Variants in CEP128 observed in about 807,000 individuals in gnomAD.
The protein encoded by CEP128 is centrosomal protein 128kDa.
A neutral mutation model predicts 156.7 loss-of-function variants in CEP128; 132 were observed. The ratio of observed to expected loss-of-function variants is 0.84; its 90% confidence interval spans 0.73 to 0.97. The LOEUF is 0.97. Among genes scored for constraint, CEP128 ranks in the 50% least tolerant of loss-of-function variants. CEP128 has a pLI of 0.00. For missense variants in CEP128, 1,252 were observed against 1,281.9 expected (o/e 0.98, Z 0.36); for synonymous variants, 469 against 448.9 (o/e 1.04, Z -0.57).
rs1016703015 is a variant in CEP128, at chr14:80,915,323, A to C, written c.148-915T>G. On this transcript the variant is annotated intron_variant, in intron 3 of 24. Transcript: ENST00000555265. ...AGGCATGAGCCACCATGCCCAGCCCATTATGTTACTTTAAATGAGTTTAAA... is the reference window on the plus strand; with the variant it reads ...AGGCATGAGCCACCATGCCCAGCCCCTTATGTTACTTTAAATGAGTTTAAA... Among the ~76,000 whole-genome samples the C allele has an allele frequency of 3.3e-5, 5 of 152,146 alleles. 1 individual carries two copies. The highest frequency in any genetic ancestry group is 7.4e-5 in the Non-Finnish European group (5 of 68,020).
At chr14:80,655,943 T>C (rs1488999340) in intron 19 of CEP128, among the ~76,000 whole-genome samples, 2 of 152,004 alleles carry the variant, frequency 1.3e-5, no homozygotes, top group East Asian at 3.9e-4. Context: ...TTTGAGTTTA[T>C]CTTCTTTTTA....
chr14:80,512,539 CA>C (rs1231858339), intron 23 of CEP128, among the ~76,000 whole-genome samples: 2 of 151,900 alleles, frequency 1.3e-5, no homozygotes, highest in African/African-American at 4.8e-5. Context: ...TCAATCCATT[CA>C]GTCATTCTGT....
intron 12 of CEP128, among the ~76,000 whole-genome samples, chr14:80,831,781 T>C (rs1468920783): frequency 6.6e-6 from 1 of 152,222 alleles, no homozygotes; most frequent in Non-Finnish European, 1.5e-5. Flanking sequence ...TAATATATCA[T>C]TTAACAATAT....
At chr14:80,651,872 G>T (rs930827943) in intron 19 of CEP128, among the ~76,000 whole-genome samples, 13 of 152,114 alleles carry the variant, frequency 8.5e-5, no homozygotes, top group African/African-American at 2.4e-5. Flanking sequence ...GCAGTGTGGT[G>T]CTGAAAAGAA....
intron 2 of CEP128, among the ~76,000 whole-genome samples, chr14:80,953,758 C>A (rs963170148): frequency 6.6e-6 from 1 of 152,178 alleles, no homozygotes; most frequent in African/African-American, 2.4e-5. Context: ...CCACAAAATT[C>A]TCTGGTGTTC....
intron 20 of CEP128, among the ~76,000 whole-genome samples, chr14:80,574,077 T>A (rs907050523): frequency 2.0e-5 from 3 of 152,344 alleles, no homozygotes; most frequent in African/African-American, 7.2e-5. Flanking sequence ...TCACGAGTCA[T>A]CTTAGGGATG....
chr14:80,876,597 C>CAAAAAAAAAA (rs11419599), intron 8 of CEP128, among the ~76,000 whole-genome samples: 1 of 135,998 alleles, frequency 7.4e-6, no homozygotes, highest in South Asian at 2.3e-4. Context: ...ACTCCCATTT[C>CAAAAAAAAAA]AAAAAAAAAA....
At chr14:80,756,357 G>C (rs1193048536) in intron 18 of CEP128, among the ~76,000 whole-genome samples, 2 of 152,060 alleles carry the variant, frequency 1.3e-5, no homozygotes, top group African/African-American at 4.8e-5. Flanking sequence ...GGCCTTCAAA[G>C]GTAAACTTTA....
At chr14:80,698,484 T>C (rs1035625288) in intron 19 of CEP128, among the ~76,000 whole-genome samples, 3 of 152,146 alleles carry the variant, frequency 2.0e-5, no homozygotes, top group Non-Finnish European at 4.4e-5. Context: ...ATTTTAGAAA[T>C]GTTTAAGAAA....
chr14:80,870,281 T>C (rs553089571), intron 8 of CEP128, among the ~76,000 whole-genome samples: 1 of 151,766 alleles, frequency 6.6e-6, no homozygotes, highest in Non-Finnish European at 1.5e-5. Flanking sequence ...CCAAAGACAC[T>C]ACTAAAAAAG....
intron 19 of CEP128, among the ~76,000 whole-genome samples, chr14:80,675,855 G>A (rs1417674959): frequency 6.6e-6 from 1 of 151,958 alleles, no homozygotes; most frequent in East Asian, 1.9e-4. Context: ...ATGTTCAATG[G>A]AAATTGTTAT....
chr14:80,746,628 T>C (rs2139615463), intron 18 of CEP128, among the ~76,000 whole-genome samples: 1 of 152,316 alleles, frequency 6.6e-6, no homozygotes, highest in South Asian at 2.1e-4. Context: ...GAGCTGAAAC[T>C]ATAAGATTAT....
intron 2 of CEP128, among the ~76,000 whole-genome samples, chr14:80,926,125 C>T (rs1885130998): frequency 1.3e-5 from 2 of 152,140 alleles, no homozygotes; most frequent in South Asian, 4.1e-4. Context: ...GGGACAAATG[C>T]CCTTGGTCAG....
intron 23 of CEP128, among the ~76,000 whole-genome samples, chr14:80,516,117 C>T (rs1055615309): frequency 3.9e-5 from 6 of 152,154 alleles, no homozygotes; most frequent in African/African-American, 4.8e-5. Context: ...ATTTGCACAC[C>T]TCAGCCTCCC....
intron 20 of CEP128, among the ~76,000 whole-genome samples, chr14:80,575,231 T>C (rs1481499653): frequency 4.6e-5 from 7 of 151,764 alleles, no homozygotes; most frequent in Non-Finnish European, 1.0e-4. Context: ...ATTCAGTTCA[T>C]TTCTAATAAA....
chr14:80,949,596 A>T (rs1886418925), intron 2 of CEP128, among the ~76,000 whole-genome samples: 1 of 152,180 alleles, frequency 6.6e-6, no homozygotes, highest in South Asian at 2.1e-4. Flanking sequence ...AGTAATCAGA[A>T]GGGTATTGCC....
chr14:80,487,454 T>A (rs1055897961), downstream of CEP128, among the ~76,000 whole-genome samples: 1 of 152,130 alleles, frequency 6.6e-6, no homozygotes, highest in Non-Finnish European at 1.5e-5. Context: ...ACTGTCAACA[T>A]TAGACAGATC....
intron 19 of CEP128, among the ~76,000 whole-genome samples, chr14:80,602,399 A>G (rs1892615756): frequency 6.6e-6 from 1 of 152,222 alleles, no homozygotes; most frequent in Non-Finnish European, 1.5e-5. Flanking sequence ...TTACTCAGCA[A>G]CAGCAGAATA....
intron 19 of CEP128, among the ~76,000 whole-genome samples, chr14:80,639,269 T>C (rs1402966441): frequency 6.6e-6 from 1 of 152,148 alleles, no homozygotes; most frequent in African/African-American, 2.4e-5. Flanking sequence ...ACATACAAGA[T>C]GTAGCTCAGA....
Sources: gnomAD v4.1 joint callset for allele counts (sites outside exome capture counted in the v4.1 genomes callset) on GRCh38, gnomAD v4.1.1 for gene constraint, MANE v1.5 for transcripts, NCBI Gene and HGNC (gene_info 2026-07-23, HGNC 2026-07-21) for gene names.